Variants in EPHA3 observed in about 807,000 individuals in gnomAD.
The protein encoded by EPHA3 is EPH receptor A3.
EPHA3 carries 42 observed loss-of-function variants against 107.1 expected under a neutral mutation model. The ratio of observed to expected loss-of-function variants is 0.39; its 90% CI spans 0.31 to 0.51. EPHA3 has a LOEUF of 0.51. Among genes scored for constraint, EPHA3 ranks in the 20% least tolerant of loss-of-function variants. The probability of loss-of-function intolerance (pLI) is 0.78; values close to 1 mark genes in which losing one functional copy is unlikely to be tolerated. For missense variants in EPHA3, 1,183 were observed against 1,211.2 expected (o/e 0.98, Z 0.35); for synonymous variants, 461 against 424.8 (o/e 1.09, Z -1.05).
chr3:89,161,960 G>A (rs1704954617), intron 2 of EPHA3, among the ~76,000 whole-genome samples: 1 of 151,244 alleles, frequency 6.6e-6, no homozygotes, highest in Admixed American at 6.6e-5. Context: ...CTGGGTGATG[G>A]GAGTGAGACT....
intron 3 of EPHA3, among the ~76,000 whole-genome samples, chr3:89,223,457 T>C (rs1435638229): frequency 6.6e-6 from 1 of 152,140 alleles, no homozygotes; most frequent in Non-Finnish European, 1.5e-5. Flanking sequence ...AATTTAAACA[T>C]TGTTCATATT....
intron 15 of EPHA3, among the ~76,000 whole-genome samples, chr3:89,453,796 G>T (rs1482987780): frequency 3.3e-5 from 5 of 152,000 alleles, no homozygotes; most frequent in Non-Finnish European, 7.4e-5. Context: ...ATGCTTTATT[G>T]AGAAAATAAG....
At chr3:89,468,255 A>ATT (rs35497321) in intron 15 of EPHA3, among the ~76,000 whole-genome samples, 199 of 150,604 alleles carry the variant, frequency 1.3e-3, no homozygotes, top group Middle Eastern at 3.4e-3. Context: ...AAATTAGGTC[A>ATT]TTTTTTTTTG....
chr3:89,211,624 T>G (rs1365837447), intron 3 of EPHA3, among the ~76,000 whole-genome samples: 3 of 151,962 alleles, frequency 2.0e-5, no homozygotes, highest in African/African-American at 7.2e-5. Context: ...TGCTTTTGAC[T>G]GTAGACATGG....
chr3:89,348,057 G>C (rs1707715606), intron 5 of EPHA3, among the ~76,000 whole-genome samples: 1 of 150,106 alleles, frequency 6.7e-6, no homozygotes. Context: ...GTTCATCAAG[G>C]ATATTGGTCT....
At chr3:89,221,402 G>A (rs543728661) in intron 3 of EPHA3, among the ~76,000 whole-genome samples, 1 of 152,210 alleles carries the variant, frequency 6.6e-6, no homozygotes, top group East Asian at 1.9e-4. Context: ...AGAAAATTAC[G>A]TGTCTTCCTG....
intron 2 of EPHA3, among the ~76,000 whole-genome samples, chr3:89,134,784 T>C (rs147515404): frequency 2.0e-5 from 3 of 152,236 alleles, no homozygotes; most frequent in African/African-American, 7.2e-5. Context: ...GCCAAATGGG[T>C]TGTTGGTGTT....
intron 15 of EPHA3, among the ~76,000 whole-genome samples, chr3:89,455,076 T>G (rs1442536950): frequency 2.0e-5 from 3 of 152,324 alleles, no homozygotes; most frequent in African/African-American, 7.2e-5. Flanking sequence ...CAAATAAATT[T>G]TATTCGAAAA....
rs115308607 is a variant in EPHA3, at chr3:89,237,290, C to T, written c.814+26770C>T. On this transcript the variant is annotated intron_variant, in intron 3 of 16. Transcript: ENST00000336596. The stretch of plus-strand genomic sequence containing the variant: ...AGGAGGCTGAGGCATGAGAATCGCT[C>T]GAACCAAGAGGCAGAGGCTGCAATG... Among the ~76,000 whole-genome samples the T allele has an allele frequency of 5.6e-3, 848 of 152,222 alleles. 3 individuals carry two copies. Among genetic ancestry groups the T allele is most frequent in the African/African-American group, 0.016 (662 of 41,564 alleles).
chr3:89,255,310 G>A (rs1226247931), intron 3 of EPHA3, among the ~76,000 whole-genome samples: 2 of 151,938 alleles, frequency 1.3e-5, no homozygotes, highest in African/African-American at 2.4e-5. Flanking sequence ...TTTAACTCTG[G>A]TTTCCTATAT....
At chr3:89,390,361 G>T (rs1039439826) in intron 5 of EPHA3, among the ~76,000 whole-genome samples, 1 of 152,114 alleles carries the variant, frequency 6.6e-6, no homozygotes, top group Non-Finnish European at 1.5e-5. Flanking sequence ...CACTTTGGGA[G>T]GCCAAGGCAA....
intron 1 of EPHA3, among the ~76,000 whole-genome samples, chr3:89,125,466 T>C (rs1292293975): frequency 6.6e-6 from 1 of 151,748 alleles, no homozygotes; most frequent in Non-Finnish European, 1.5e-5. Context: ...CATTGATTAA[T>C]TGGTTGAGGG....
At chr3:89,395,623 T>G (rs1708833294) in intron 5 of EPHA3, among the ~76,000 whole-genome samples, 2 of 152,180 alleles carry the variant, frequency 1.3e-5, no homozygotes, top group Admixed American at 1.3e-4. Flanking sequence ...TAGGCCTGCA[T>G]GTACCAGGGC....
At chr3:89,436,389 T>C (rs1709670414) in intron 13 of EPHA3, among the ~76,000 whole-genome samples, 3 of 152,186 alleles carry the variant, frequency 2.0e-5, no homozygotes, top group Admixed American at 1.3e-4. Context: ...ATTAATAAAG[T>C]TTAACGCAGT....
At position 89,413,146 on chromosome 3, in the gene EPHA3, C is replaced by A; in HGVS notation, c.1768C>A (p.Leu590Ile). ...TTCTTTCTTTCCTCAAACAGTAAAA[C>A]TTCCAGGTCTCAGGACTTATGTTGA... ...RLHFGNGHLK[L>I]PGLRTYVDPH... Residue 590 changes from leucine to isoleucine, a missense_variant, in exon 10 of 17, where the codon CTT becomes ATT. By Grantham distance (5) the Leu-to-Ile change is conservative. Transcript: ENST00000336596. 1 of 1,610,856 alleles carries A rather than the reference C, an allele frequency of 6.2e-7. No homozygotes were observed. Among genetic ancestry groups the A allele is most frequent in the Non-Finnish European group, 8.5e-7 (1 of 1,177,872 alleles).
chr3:89,472,242 A>G (rs1410968984), intron 15 of EPHA3, among the ~76,000 whole-genome samples: 3 of 152,200 alleles, frequency 2.0e-5, no homozygotes, highest in Admixed American at 6.5e-5. Context: ...ATTTAAAAGC[A>G]TTTGTGGATG....
rs186746038 is a variant in EPHA3, at chr3:89,481,402, T to C, written c.*1900T>C. 9.3e-3 allele frequency: 2,153 copies of C among 232,282 alleles called. 14 individuals are homozygous for C. Among genetic ancestry groups the C allele is most frequent in the South Asian group, 0.02 (113 of 5,520 alleles). 14.4% of individuals were successfully genotyped at this position (232,282 alleles called of 1,614,324 possible). On this transcript the variant is annotated 3_prime_UTR_variant, in exon 17 of 17. Coordinates refer to ENST00000336596, the MANE Select transcript of EPHA3 (RefSeq NM_005233.6). ...TAAAATTAATCACAAATTTCACTTATACCTGCTATCAGCAGCTAGAAAACA... is the reference window on the plus strand; with the variant it reads ...TAAAATTAATCACAAATTTCACTTACACCTGCTATCAGCAGCTAGAAAACA...
chr3:89,481,616 C>T lies in EPHA3; in HGVS notation c.*2114C>T, dbSNP rs1300582427. On this transcript the variant is annotated 3_prime_UTR_variant, in exon 17 of 17. Transcript: ENST00000336596. Reference sequence around the variant, plus strand: ...GTTGAATCTATTTCACTTATTTTGGCTGTGGTTTCCATCTGAAAGTAGAGG... The same window carrying T: ...GTTGAATCTATTTCACTTATTTTGGTTGTGGTTTCCATCTGAAAGTAGAGG... The T allele has an allele frequency of 4.3e-6, 1 of 232,408 alleles. No individual in the cohort carries two copies. The highest frequency in any genetic ancestry group is 8.5e-6 in the Non-Finnish European group (1 of 117,410). 14.4% of individuals were successfully genotyped at this position (232,408 alleles called of 1,614,324 possible).
intron 3 of EPHA3, among the ~76,000 whole-genome samples, chr3:89,292,484 C>T (rs553087513): frequency 5.9e-5 from 9 of 152,160 alleles, no homozygotes; most frequent in South Asian, 4.2e-4. Context: ...CCATCCCTTG[C>T]GGATGACTAT....
Sources: allele counts gnomAD v4.1 joint callset (sites outside exome capture counted in the v4.1 genomes callset), GRCh38; gene constraint gnomAD v4.1.1; transcripts MANE v1.5; gene names NCBI Gene and HGNC (gene_info 2026-07-23, HGNC 2026-07-21).